Variants in RNF115 observed in about 807,000 individuals in gnomAD.
The protein encoded by RNF115 is E3 ubiquitin-protein ligase RNF115.
In RNF115, 31 loss-of-function variants were observed where a neutral mutation model predicts 39.2. The observed-to-expected ratio is 0.79, with a 90% confidence interval of 0.59 to 1.07. The LOEUF is 1.07. Ranked by LOEUF, RNF115 falls within the 50% of genes least tolerant of loss-of-function variation. RNF115 has a pLI of 0.00. For missense variants in RNF115, 384 were observed against 381.7 expected, an observed-to-expected ratio of 1.01 and a Z score of -0.05; for synonymous variants, 124 against 131.0, an observed-to-expected ratio of 0.95 and a Z score of 0.37.
rs1437999142 is a variant in RNF115 at position 145,824,085 on chromosome 1, G to A, written c.-212C>T. The A allele has an allele frequency of 2.0e-5, 9 of 455,460 alleles. No individual in the cohort carries two copies. Among genetic ancestry groups the A allele is most frequent in the Admixed American group, 8.9e-5 (2 of 22,468 alleles). 28.2% of individuals were successfully genotyped at this position (455,460 alleles called of 1,614,324 possible). A position where few individuals can be genotyped will look rare whatever the true frequency, so the allele number is the denominator to read the frequency against. On this transcript the variant is annotated 5_prime_UTR_variant, in exon 1 of 9. Coordinates refer to ENST00000582693, the MANE Select transcript of RNF115 (RefSeq NM_014455.4). ...GCCTCCCAGCACCAAAGAGGCGCAG[G>A]AAGGAGAGACAAACGGCCCGCCCGC...
intron 4 of RNF115, among the ~76,000 whole-genome samples, chr1:145,756,599 G>A (rs2101478270): frequency 6.6e-6 from 1 of 152,232 alleles, no homozygotes; most frequent in South Asian, 2.1e-4. Context: ...CACAAACTGG[G>A]TAGCTTAAAA....
intron 4 of RNF115, among the ~76,000 whole-genome samples, chr1:145,761,487 G>A (rs1291630636): frequency 6.6e-6 from 1 of 152,242 alleles, no homozygotes; most frequent in Non-Finnish European, 1.5e-5. Flanking sequence ...CATAGAGCTT[G>A]GGTTGTGGCT....
intron 4 of RNF115, among the ~76,000 whole-genome samples, chr1:145,769,063 A>T (rs1467604785): frequency 6.6e-6 from 1 of 152,246 alleles, no homozygotes; most frequent in African/African-American, 2.4e-5. Context: ...AAAATAAGTG[A>T]GAAGGCTACT....
intron 1 of RNF115, among the ~76,000 whole-genome samples, chr1:145,814,153 G>A (rs1649856895): frequency 6.6e-6 from 1 of 151,182 alleles, no homozygotes; most frequent in African/African-American, 2.4e-5. Context: ...ACAGCTAGTT[G>A]GGAGGCTGAG....
intron 5 of RNF115, among the ~76,000 whole-genome samples, 155 bp downstream of exon 5, chr1:145,752,823 G>A (rs1419332738): frequency 2.6e-5 from 4 of 151,822 alleles, no homozygotes; most frequent in African/African-American, 4.8e-5. Context: ...TCCTGACCTC[G>A]TGATCCGCCA....
rs967234718 is a variant in RNF115, at chr1:145,823,939, C to G, written c.-66G>C. 2.5e-5 allele frequency: 30 copies of G among 1,185,382 alleles called. No individual in the cohort carries two copies. The highest frequency in any genetic ancestry group is 2.9e-5 in the Non-Finnish European group (26 of 896,552). The allele number at this position is 1,185,382 out of a possible 1,614,324, so 73.4% of individuals were successfully genotyped here. A position where few individuals can be genotyped will look rare whatever the true frequency, so the allele number is the denominator to read the frequency against. On this transcript the variant is annotated 5_prime_UTR_variant, in exon 1 of 9. Transcript: ENST00000582693. Reference sequence around the variant, plus strand: ...CGTCCCTCGCCAGGCCGCTACCTCCCGAGCTGCAGTCGTCGCCGCCGCCGC... The same window carrying G: ...CGTCCCTCGCCAGGCCGCTACCTCCGGAGCTGCAGTCGTCGCCGCCGCCGC...
chr1:145,795,731 C>G (rs1479203812), intron 1 of RNF115, among the ~76,000 whole-genome samples: 4 of 152,108 alleles, frequency 2.6e-5, no homozygotes, highest in African/African-American at 9.7e-5. Flanking sequence ...TTCTTCCTGT[C>G]ATTTGGAAGT....
rs587676647 is a variant in RNF115 at position 145,791,347 on chromosome 1, A to G, written c.103-2381T>C. Among the ~76,000 whole-genome samples the G allele has an allele frequency of 5.0e-3, 301 of 60,730 alleles. 2 individuals are homozygous for G. The highest frequency in any genetic ancestry group is 0.024 in the African/African-American group (293 of 12,360). 39.8% of individuals were successfully genotyped at this position (60,730 alleles called of 152,430 possible). The stretch of plus-strand genomic sequence containing the variant: ...ACCAACATGGAGAAACCCCATCTCT[A>G]CTTAAAAAAAAAAAAAAAATTAGCC... On this transcript the variant is annotated intron_variant, in intron 1 of 8. Transcript: ENST00000582693.
At chr1:145,780,462 T>C (rs952340961) in intron 3 of RNF115, among the ~76,000 whole-genome samples, 1 of 151,102 alleles carries the variant, frequency 6.6e-6, no homozygotes, top group African/African-American at 2.4e-5. Flanking sequence ...CTACTAAAAA[T>C]ATAAAAAATT....
At chr1:145,800,941 C>T (rs1021387114) in intron 1 of RNF115, among the ~76,000 whole-genome samples, 10 of 151,922 alleles carry the variant, frequency 6.6e-5, no homozygotes, top group Non-Finnish European at 1.0e-4. Context: ...AGGGCCAAGG[C>T]GGGCAGATCA....
chr1:145,820,273 G>A (rs1305927186), intron 1 of RNF115, among the ~76,000 whole-genome samples: 9 of 150,846 alleles, frequency 6.0e-5, no homozygotes, highest in Non-Finnish European at 1.0e-4. Context: ...GAGACCAGCC[G>A]GGGCAACATG....
intron 3 of RNF115, among the ~76,000 whole-genome samples, chr1:145,778,866 T>C (rs1380821455): frequency 6.6e-6 from 1 of 152,222 alleles, no homozygotes; most frequent in Non-Finnish European, 1.5e-5. Flanking sequence ...TATTAGGAAG[T>C]TGCACAAATG....
intron 4 of RNF115, among the ~76,000 whole-genome samples, chr1:145,754,049 T>C (rs587642362): frequency 6.6e-6 from 1 of 152,258 alleles, no homozygotes; most frequent in South Asian, 2.1e-4. Flanking sequence ...ACTTTACTTA[T>C]TAGGCCAATT....
chr1:145,766,628 C>T (rs1553714893), intron 4 of RNF115, among the ~76,000 whole-genome samples: 4 of 147,190 alleles, frequency 2.7e-5, no homozygotes, highest in Non-Finnish European at 4.5e-5. Flanking sequence ...GGGGGGCTGA[C>T]CCCCCCACCT....
chr1:145,805,633 T>C (rs1036401730), intron 1 of RNF115, among the ~76,000 whole-genome samples: 15 of 152,246 alleles, frequency 9.9e-5, no homozygotes, highest in African/African-American at 3.6e-4. Flanking sequence ...ATAAAGGAGA[T>C]TATTTCAGGG....
chr1:145,812,606 G>C (rs1290561714), intron 1 of RNF115, among the ~76,000 whole-genome samples: 2 of 151,620 alleles, frequency 1.3e-5, no homozygotes, highest in Non-Finnish European at 2.9e-5. Context: ...GTTGCAGTGA[G>C]CCAAGATCGC....
intron 3 of RNF115, among the ~76,000 whole-genome samples, chr1:145,779,591 G>A (rs1648032017): frequency 1.3e-5 from 2 of 152,132 alleles, no homozygotes; most frequent in Admixed American, 1.3e-4. Context: ...CAGTTATGAG[G>A]TATGCACATG....
Position 145,824,063 on chromosome 1 carries a change from T to G in RNF115, c.-190A>C. 1 of 473,124 alleles carries G rather than the reference T, an allele frequency of 2.1e-6. No homozygotes were observed. 29.3% of individuals were successfully genotyped at this position (473,124 alleles called of 1,614,324 possible). A position where few individuals can be genotyped will look rare whatever the true frequency, so the allele number is the denominator to read the frequency against. On this transcript the variant is annotated 5_prime_UTR_variant, in exon 1 of 9. Coordinates refer to ENST00000582693, the MANE Select transcript of RNF115 (RefSeq NM_014455.4). ...GCCAACAGCTACCCTGCGGCCCGCC[T>G]CCCAGCACCAAAGAGGCGCAGGAAG...
At chr1:145,778,679 T>C (rs782017923) in intron 3 of RNF115, among the ~76,000 whole-genome samples, 36 of 152,174 alleles carry the variant, frequency 2.4e-4, no homozygotes, top group Non-Finnish European at 5.0e-4. Flanking sequence ...CCTTCCCTCC[T>C]GCCCCTTCCC....
Sources: allele counts gnomAD v4.1 joint callset (sites outside exome capture counted in the v4.1 genomes callset), GRCh38; gene constraint gnomAD v4.1.1; transcripts MANE v1.5; gene names NCBI Gene and HGNC (gene_info 2026-07-23, HGNC 2026-07-21).